TRPM5: variants seen among roughly 807,000 people sequenced by gnomAD.
TRPM5 encodes the protein MLSN1 and TRP-related.
In TRPM5, 121 loss-of-function variants were observed where a neutral mutation model predicts 124.9. That is an observed-to-expected ratio of 0.97 (90% CI 0.84 to 1.13). The LOEUF (loss-of-function observed/expected upper bound fraction) is 1.13. TRPM5 is among the 50% of genes most tolerant of loss of function. The pLI is 0.00. For synonymous variants in TRPM5, 781 were observed against 700.5 expected (o/e 1.11, Z -1.81); for missense variants, 1,643 against 1,589.1 (o/e 1.03, Z -0.58).
exon 3 of TRPM5, chr11:2,421,066 C>T (rs34774104): frequency 1.4e-5 from 21 of 1,548,584 alleles, no homozygotes; most frequent in Admixed American, 1.9e-5. Context: ...GTGCAGGACG[C>T]GGCCCAGCGA....
chr11:2,414,024 C>G (rs1850512801), intron 12 of TRPM5, 37 bp downstream of exon 17: 2 of 1,539,782 alleles, frequency 1.3e-6, no homozygotes, highest in South Asian at 2.4e-5. Context: ...CCCACCCCAC[C>G]CCCTGGCAGC....
rs757311856 is a variant in TRPM5 at position 2,412,260 on chromosome 11, G to T, written c.2356-7C>A. ...CCTCGTCTGTGAAGAAGCCCTGGGA[G>T]GGAGGTGGGCAGTCCACTGACAGCT... On this transcript the variant is annotated splice_polypyrimidine_tract_variant and splice_region_variant and intron_variant, in intron 15 of 23. Coordinates refer to ENST00000155858, the Ensembl canonical transcript of TRPM5. 1.2e-6 allele frequency: 2 copies of T among 1,609,136 alleles called. No homozygotes were observed. Among genetic ancestry groups the T allele is most frequent in the South Asian group, 2.2e-5 (2 of 90,994 alleles).
At chr11:2,440,489 T>C in the TRPM5 span, among the ~76,000 whole-genome samples, 2 of 152,024 alleles carry the variant, frequency 1.3e-5, no homozygotes, top group Admixed American at 6.5e-5. This position sits in a 1 kb window ranked among gnomAD's most constrained non-coding sequence, Gnocchi z 5.2. Context: ...TACCCTCCCA[T>C]CCATTCTGCA....
intron 18 of TRPM5, among the ~76,000 whole-genome samples, chr11:2,410,377 G>A (rs960639341): frequency 2.0e-5 from 3 of 152,148 alleles, no homozygotes; most frequent in Admixed American, 6.5e-5. Context: ...GCAGCACGTT[G>A]TGCCATGACT....
At chr11:2,417,048 G>T (rs1845697676) in intron 7 of TRPM5, among the ~76,000 whole-genome samples, 1 of 152,208 alleles carries the variant, frequency 6.6e-6, no homozygotes, top group African/African-American at 2.4e-5. Context: ...GTTCCCAGGG[G>T]CTGGGGGAAA....
At chr11:2,432,817 G>A in the TRPM5 span, among the ~76,000 whole-genome samples, 26 of 152,380 alleles carry the variant, frequency 1.7e-4, no homozygotes, top group Non-Finnish European at 2.9e-5. Flanking sequence ...CTAGCCCCAG[G>A]TGGGAGGGAA....
In TRPM5 at chr11:2,407,758, C is replaced by A. The variant is rs533197634; in HGVS notation, c.2936+1G>T. ...CTCCTCCAGGGGTTGGGTGGAGTCACCTGAACATGGCGATGAGCAGGTTCA... is the reference window on the plus strand; with the variant it reads ...CTCCTCCAGGGGTTGGGTGGAGTCAACTGAACATGGCGATGAGCAGGTTCA... On this transcript the variant is annotated splice_donor_variant, in intron 19 of 23. Transcript: ENST00000155858. LOFTEE classifies it high-confidence loss of function. 2 of 1,613,408 alleles carry A rather than the reference C, an allele frequency of 1.2e-6. No homozygotes were observed. Among genetic ancestry groups the A allele is most frequent in the South Asian group, 2.2e-5 (2 of 91,044 alleles).
At chr11:2,428,723 CTG>C in the TRPM5 span, among the ~76,000 whole-genome samples, 2 of 147,770 alleles carry the variant, frequency 1.4e-5, no homozygotes, top group Non-Finnish European at 3.0e-5. The surrounding 1 kb of genome is among the most constrained non-coding windows in gnomAD (Gnocchi z 4.0). Context: ...GTGGTAGTGA[CTG>C]TGGTGTTGTT....
In TRPM5 at chr11:2,414,790, C is replaced by A; in HGVS notation, c.1669G>T (p.Glu557Ter). ...GCCTCCGTCTCCAGGTGCGACATCT[C>A]TTTGAGGATTTTGCAGGCGGCCAGT... The change falls in exon 11 of 24, where the codon GAG becomes TAG. Residue 557 changes from glutamate to a stop codon, truncating the protein, a stop_gained. Coordinates refer to ENST00000155858, the Ensembl canonical transcript of TRPM5. LOFTEE classifies it high-confidence loss of function. 1.3e-6 allele frequency: 2 copies of A among 1,576,400 alleles called. No homozygotes were observed. The highest frequency in any genetic ancestry group is 1.8e-5 in the Admixed American group (1 of 54,656).
Position 2,413,474 on chromosome 11 carries a change from A to G in TRPM5, c.2003+2T>C, listed in dbSNP as rs1197504063. The G allele has an allele frequency of 8.1e-6, 13 of 1,606,584 alleles. No individual in the cohort carries two copies. The highest frequency in any genetic ancestry group is 1.1e-5 in the Non-Finnish European group (13 of 1,177,126). On this transcript the variant is annotated splice_donor_variant, in intron 13 of 23. Coordinates refer to ENST00000155858, the Ensembl canonical transcript of TRPM5. LOFTEE classifies it high-confidence loss of function. ...GCCGGGCAGCTCACAGGCCTCACCC[A>G]CCTGAAGGTGATGAGGTTGGTATAG...
chr11:2,432,828 G>A, the TRPM5 span, among the ~76,000 whole-genome samples: 1 of 152,250 alleles, frequency 6.6e-6, no homozygotes. Flanking sequence ...TGGGAGGGAA[G>A]CAGCCCGGAG....
At chr11:2,406,165 C>G (rs764160750) in intron 21 of TRPM5, 74 bp from the exon 27 acceptor site, 3 of 1,538,602 alleles carry the variant, frequency 1.9e-6, no homozygotes, top group Non-Finnish European at 1.8e-6. Flanking sequence ...CCCCATCCCC[C>G]CAGGCCTCCC....
the TRPM5 span, among the ~76,000 whole-genome samples, chr11:2,431,664 A>G: frequency 0.54 from 81,274 of 151,812 alleles, 24,647 homozygotes; most frequent in African/African-American, 0.84. Context: ...CTGGTGCTCT[A>G]CCAGGAGCAC....
At chr11:2,404,810 G>C in exon 24 of TRPM5, 1 of 698,762 alleles carries the variant, frequency 1.4e-6, no homozygotes, top group Non-Finnish European at 2.4e-6. Flanking sequence ...GGCACCAGGA[G>C]GGCCATTGTC....
chr11:2,428,888 ATGTTGGTGGTGTTGG>A, the TRPM5 span, among the ~76,000 whole-genome samples: 31 of 147,380 alleles, frequency 2.1e-4, no homozygotes, highest in Admixed American at 2.0e-3. The surrounding 1 kb of genome is among the most constrained non-coding windows in gnomAD (Gnocchi z 4.0). Flanking sequence ...GGTGGTCATG[ATGTTGGTGGTGTTGG>A]TGTTGGTATT....
chr11:2,429,097 G>A, the TRPM5 span, among the ~76,000 whole-genome samples: 1 of 151,172 alleles, frequency 6.6e-6, no homozygotes, highest in Non-Finnish European at 1.5e-5. This position sits in a 1 kb window ranked among gnomAD's most constrained non-coding sequence, Gnocchi z 8.4. Flanking sequence ...AGTGGAGGTG[G>A]TAGTAATGAT....
chr11:2,433,050 C>T, the TRPM5 span, among the ~76,000 whole-genome samples: 2 of 152,222 alleles, frequency 1.3e-5, no homozygotes, highest in Non-Finnish European at 2.9e-5. Flanking sequence ...CCATTAAGTT[C>T]CCTGGCCCGG....
At position 2,407,750 on chromosome 11, in the gene TRPM5, T is replaced by C. The variant is rs1850352588; in HGVS notation, c.2936+9A>G. 6.2e-7 allele frequency: 1 copy of C among 1,612,776 alleles called. No homozygotes were observed. The highest frequency in any genetic ancestry group is 1.3e-5 in the African/African-American group (1 of 75,000). On this transcript the variant is annotated intron_variant, in intron 19 of 23. Transcript: ENST00000155858. ...AGGGCTCTCTCCTCCAGGGGTTGGGTGGAGTCACCTGAACATGGCGATGAG... is the reference window on the plus strand; with the variant it reads ...AGGGCTCTCTCCTCCAGGGGTTGGGCGGAGTCACCTGAACATGGCGATGAG...
intron 7 of TRPM5, 151 bp from the exon 13 acceptor site, chr11:2,416,175 C>T (rs55696919): frequency 0.016 from 9,600 of 602,256 alleles, 132 homozygotes; most frequent in Non-Finnish European, 0.022. Context: ...CCTCTGAGCA[C>T]CAGCAGGAGG....
Sources: allele counts gnomAD v4.1 joint callset (sites outside exome capture counted in the v4.1 genomes callset), GRCh38; gene constraint gnomAD v4.1.1; non-coding constraint Gnocchi (gnomAD v3.1); transcripts MANE v1.5; gene names NCBI Gene and HGNC (gene_info 2026-07-23, HGNC 2026-07-21).